GDAP2: variants seen among roughly 807,000 people sequenced by gnomAD.
The protein encoded by GDAP2 is ganglioside-induced differentiation-associated protein 2.
A neutral mutation model predicts 67.0 loss-of-function variants in GDAP2; 51 were observed. The observed-to-expected ratio is 0.76, with a 90% confidence interval of 0.61 to 0.96. The LOEUF is 0.96. Ranked by LOEUF, GDAP2 falls within the 40% of genes least tolerant of loss-of-function variation. The pLI is 0.00. For synonymous variants in GDAP2, 203 were observed against 207.3 expected (o/e 0.98, Z 0.18); for missense variants, 547 against 588.3 (o/e 0.93, Z 0.73).
intron 12 of GDAP2, 58 bp from the exon 13 acceptor site, chr1:117,878,210 C>A: frequency 1.1e-6 from 1 of 914,320 alleles, no homozygotes; most frequent in South Asian, 2.0e-5. Context: ...GAAACATAAA[C>A]ACAATTTGGA....
At chr1:117,892,413 C>T (rs1649117905) in intron 8 of GDAP2, among the ~76,000 whole-genome samples, 1 of 152,064 alleles carries the variant, frequency 6.6e-6, no homozygotes, top group Admixed American at 6.6e-5. Flanking sequence ...GGAAGACATG[C>T]AATCTTTTGT....
At position 117,866,222 on chromosome 1, in the gene GDAP2, C is replaced by CT. The variant is rs907316982; in HGVS notation, c.*4346dup. On this transcript the variant is annotated 3_prime_UTR_variant, in exon 14 of 14. Transcript: ENST00000369443. ...AGCCCTCATGAATGAGATTAGTGCC[C>CT]TTATAAGAAGAGACAGGAAAGTAAC... is the stretch of plus-strand genomic sequence containing the variant. 11 of 152,042 alleles carry CT rather than the reference C, an allele frequency of 7.2e-5. No individual in the cohort carries two copies. The highest frequency in any genetic ancestry group is 2.7e-4 in the African/African-American group (11 of 41,392). 9.4% of individuals were successfully genotyped at this position (152,042 alleles called of 1,614,324 possible). A position where few individuals can be genotyped will look rare whatever the true frequency, so the allele number is the denominator to read the frequency against.
intron 13 of GDAP2, among the ~76,000 whole-genome samples, chr1:117,876,043 G>C (rs1570963748): frequency 6.6e-6 from 1 of 152,122 alleles, no homozygotes; most frequent in South Asian, 2.1e-4. Context: ...AAGAACATGA[G>C]GTTTGGGTGG....
In GDAP2 at chr1:117,865,959, A is replaced by G. The variant is rs563264520; in HGVS notation, c.*4610T>C. On this transcript the variant is annotated 3_prime_UTR_variant, in exon 14 of 14. Transcript: ENST00000369443. ...AGAAGTCCGACTCAAAGAATGTAAA[A>G]CAAGGCAGATTATGCATATATGTGT... 6.6e-6 allele frequency: 1 copy of G among 152,202 alleles called. No individual in the cohort carries two copies. The highest frequency in any genetic ancestry group is 6.5e-5 in the Admixed American group (1 of 15,278). 9.4% of individuals were successfully genotyped at this position (152,202 alleles called of 1,614,324 possible). A position where few individuals can be genotyped will look rare whatever the true frequency, so the allele number is the denominator to read the frequency against.
intron 6 of GDAP2, among the ~76,000 whole-genome samples, chr1:117,902,784 A>G (rs1649523929): frequency 6.6e-6 from 1 of 152,136 alleles, no homozygotes; most frequent in African/African-American, 2.4e-5. Flanking sequence ...TCAACTTGAT[A>G]ATTTCTGCAA....
In GDAP2 at chr1:117,868,854, A is replaced by G. The variant is rs1648163036; in HGVS notation, c.*1715T>C. On this transcript the variant is annotated 3_prime_UTR_variant, in exon 14 of 14. Coordinates refer to ENST00000369443, the MANE Select transcript of GDAP2 (RefSeq NM_017686.4). ...AGAAAATCTTAACATAGATGTATATATAAGGATCAAGTAATTTTGAGGTCT... is the reference window on the plus strand; with the variant it reads ...AGAAAATCTTAACATAGATGTATATGTAAGGATCAAGTAATTTTGAGGTCT... 1 of 152,212 alleles carries G rather than the reference A, an allele frequency of 6.6e-6. No individual in the cohort carries two copies. The highest frequency in any genetic ancestry group is 6.5e-5 in the Admixed American group (1 of 15,268). The allele number at this position is 152,212 out of a possible 1,614,324, so 9.4% of individuals were successfully genotyped here. A position where few individuals can be genotyped will look rare whatever the true frequency, so the allele number is the denominator to read the frequency against.
rs1053419245 is a variant in GDAP2 at position 117,879,959 on chromosome 1, C to A, written c.1303-1807G>T. On this transcript the variant is annotated intron_variant, in intron 12 of 13. Coordinates refer to ENST00000369443, the MANE Select transcript of GDAP2 (RefSeq NM_017686.4). ...TTGGGAGGCCAAAATGGGAGGATTA[C>A]TTGAGGCCAAAAGTTTGAGACCAGC... is the stretch of plus-strand genomic sequence containing the variant. Among the ~76,000 whole-genome samples the A allele has an allele frequency of 2.0e-5, 3 of 152,174 alleles. No homozygotes were observed. The East Asian group carries it at 5.8e-4, about 29-fold the overall frequency.
intron 5 of GDAP2, among the ~76,000 whole-genome samples, chr1:117,911,667 C>T (rs531067594): frequency 1.3e-5 from 2 of 151,930 alleles, no homozygotes; most frequent in East Asian, 1.9e-4. Flanking sequence ...AAATTGAGAG[C>T]TCTGCAACTT....
At chr1:117,898,725 T>C (rs1649345230) in intron 7 of GDAP2, among the ~76,000 whole-genome samples, 1 of 152,208 alleles carries the variant, frequency 6.6e-6, no homozygotes, top group Non-Finnish European at 1.5e-5. Flanking sequence ...TTTTAGAGGA[T>C]ACTGAAAGCT....
chr1:117,899,089 A>G lies in GDAP2; in HGVS notation c.764T>C (p.Ile255Thr). Residue 255 changes from isoleucine to threonine, a missense_variant, in exon 7 of 14, where the codon ATT becomes ACT. Physicochemically the swap from Ile to Thr is moderately conservative, Grantham distance 89 (BLOSUM62 -1). Transcript: ENST00000369443. ...EGEPVVPERQ[I>T]RISEKPGAPE... ...AGCACCAGGTTTCTCACTTATTCTAATCTGTCGTTCAGGTACCACAGGCTC... is the reference window on the plus strand; with the variant it reads ...AGCACCAGGTTTCTCACTTATTCTAGTCTGTCGTTCAGGTACCACAGGCTC... The G allele has an allele frequency of 1.9e-6, 3 of 1,613,538 alleles. No homozygotes were observed. The highest frequency in any genetic ancestry group is 2.5e-6 in the Non-Finnish European group (3 of 1,179,586).
Position 117,896,894 on chromosome 1 carries a change from T to C in GDAP2, c.892A>G (p.Arg298Gly). The change falls in exon 8 of 14, where the codon AGA becomes GGA. Residue 298 changes from arginine to glycine, a missense_variant. Coordinates refer to ENST00000369443, the MANE Select transcript of GDAP2 (RefSeq NM_017686.4). ...AATTGTCCCTGAAGGATCAGTTTTCTTTGCTTGTCAATATCTCCTTCCATT... is the reference window on the plus strand; with the variant it reads ...AATTGTCCCTGAAGGATCAGTTTTCCTTGCTTGTCAATATCTCCTTCCATT... ...ARMEGDIDKQ[R>G]KLILQGQLSE... The C allele has an allele frequency of 6.2e-7, 1 of 1,613,316 alleles. No homozygotes were observed.
intron 5 of GDAP2, among the ~76,000 whole-genome samples, chr1:117,907,590 T>C (rs1038181897): frequency 1.3e-5 from 2 of 152,210 alleles, no homozygotes; most frequent in Non-Finnish European, 2.9e-5. Flanking sequence ...AATCCTGAAT[T>C]GTCTTTGATG....
In GDAP2 at chr1:117,906,560, C is replaced by T. The variant is rs1182440686; in HGVS notation, c.582G>A (p.Glu194=). 6.4e-7 allele frequency: 1 copy of T among 1,566,586 alleles called. No individual in the cohort carries two copies. The highest frequency in any genetic ancestry group is 8.8e-7 in the Non-Finnish European group (1 of 1,140,228). ...CTTTTTCAATGGTTTCCCCATGAAT[C>T]TCTAGGAATCTTCTTACAGTGCCTA... ...IALRTVRRFL[E]IHGETIEKVV... is the part of the protein sequence containing the mutation. The change falls in exon 6 of 14, where the codon GAG becomes GAA. Residue 194 remains glutamate, a synonymous_variant. Transcript: ENST00000369443.
At chr1:117,910,678 G>A (rs538287443) in intron 5 of GDAP2, among the ~76,000 whole-genome samples, 17 of 152,216 alleles carry the variant, frequency 1.1e-4, no homozygotes, top group Admixed American at 3.3e-4. Context: ...AGTATAGTTC[G>A]TCTCTGAAAT....
chr1:117,873,026 A>T (rs922977230), intron 13 of GDAP2, among the ~76,000 whole-genome samples: 1 of 151,962 alleles, frequency 6.6e-6, no homozygotes, highest in South Asian at 2.1e-4. Context: ...TCTATTACCA[A>T]TTTTTTCTAA....
intron 4 of GDAP2, 64 bp from the exon 5 acceptor site, chr1:117,912,146 A>G (rs1245258975): frequency 1.7e-5 from 16 of 938,214 alleles, no homozygotes; most frequent in Non-Finnish European, 1.9e-5. Flanking sequence ...ACAACAATAT[A>G]TAAGTAATTT....
rs1489134012 is a variant in GDAP2, at chr1:117,865,991, A to G, written c.*4578T>C. The G allele has an allele frequency of 6.6e-6, 1 of 152,238 alleles. No homozygotes were observed. The highest frequency in any genetic ancestry group is 6.5e-5 in the Admixed American group (1 of 15,282). The allele number at this position is 152,238 out of a possible 1,614,324, so 9.4% of individuals were successfully genotyped here. A position where few individuals can be genotyped will look rare whatever the true frequency, so the allele number is the denominator to read the frequency against. On this transcript the variant is annotated 3_prime_UTR_variant, in exon 14 of 14. Coordinates refer to ENST00000369443, the MANE Select transcript of GDAP2 (RefSeq NM_017686.4). ...AGATTATGCATATATGTGTGTGTGC[A>G]TGCATGTATATGTATATATGGTTAG...
At position 117,927,551 on chromosome 1, in the gene GDAP2, T is replaced by C. The variant is rs180796641; in HGVS notation, c.-68+1897A>G. Among the ~76,000 whole-genome samples the C allele has an allele frequency of 1.6e-4, 25 of 152,302 alleles. No individual in the cohort carries two copies. The East Asian group carries it at 4.4e-3, about 27-fold the overall frequency. On this transcript the variant is annotated intron_variant, in intron 1 of 13. Coordinates refer to ENST00000369443, the MANE Select transcript of GDAP2 (RefSeq NM_017686.4). ...ATTAATTACCGGGTTTACCATTCTT[T>C]ATGACTTTGTATTTCAATATTTAAC...
At chr1:117,910,045 C>T (rs1188824744) in intron 5 of GDAP2, among the ~76,000 whole-genome samples, 1 of 152,154 alleles carries the variant, frequency 6.6e-6, no homozygotes, top group East Asian at 1.9e-4. Flanking sequence ...TTGTCAGGAG[C>T]AATTATATCA....
Sources: allele counts gnomAD v4.1 joint callset (sites outside exome capture counted in the v4.1 genomes callset), GRCh38; gene constraint gnomAD v4.1.1; transcripts MANE v1.5; gene names NCBI Gene and HGNC (gene_info 2026-07-23, HGNC 2026-07-21).